Variants in PDE4B observed in about 807,000 individuals in gnomAD.
PDE4B encodes phosphodiesterase 4B.
In PDE4B, 20 loss-of-function variants were observed where a neutral mutation model predicts 82.2. The ratio of observed to expected loss-of-function variants is 0.24; its 90% CI spans 0.17 to 0.35. The LOEUF (loss-of-function observed/expected upper bound fraction) is 0.35. Among genes scored for constraint, PDE4B ranks in the 10% least tolerant of loss-of-function variants. PDE4B has a pLI of 1.00. For synonymous variants in PDE4B, 320 were observed against 318.9 expected (o/e 1.00, Z -0.04); for missense variants, 655 against 907.2 (o/e 0.72, Z 3.57).
intron 8 of PDE4B, among the ~76,000 whole-genome samples, chr1:66,338,811 T>G (rs979082231): frequency 7.9e-4 from 120 of 151,964 alleles, no homozygotes; most frequent in African/African-American, 2.3e-3. Context: ...AAGGTCAGGA[T>G]ATCGAGACCA....
chr1:65,844,056 A>G (rs2101356863), intron 1 of PDE4B, among the ~76,000 whole-genome samples: 1 of 152,294 alleles, frequency 6.6e-6, no homozygotes, highest in South Asian at 2.1e-4. Flanking sequence ...CTTCAGAGAA[A>G]CTAACTGTAT....
At chr1:65,886,826 G>A (rs1646783064) in intron 1 of PDE4B, among the ~76,000 whole-genome samples, 2 of 152,150 alleles carry the variant, frequency 1.3e-5, no homozygotes, top group Non-Finnish European at 2.9e-5. Context: ...GAACAATGCA[G>A]CGATAAACAT....
At chr1:66,197,799 C>G (rs1171697410) in intron 3 of PDE4B, among the ~76,000 whole-genome samples, 2 of 151,882 alleles carry the variant, frequency 1.3e-5, no homozygotes, top group African/African-American at 4.8e-5. Context: ...TGGGATTTAA[C>G]CTGAAAGTCT....
At chr1:66,205,312 A>C (rs1413856925) in intron 3 of PDE4B, among the ~76,000 whole-genome samples, 1 of 152,204 alleles carries the variant, frequency 6.6e-6, no homozygotes, top group Admixed American at 6.5e-5. Flanking sequence ...AGGCTGAGCA[A>C]ACTTTGTAAT....
intron 6 of PDE4B, 72 bp from the exon 7 acceptor site, chr1:66,265,966 G>C: frequency 9.3e-7 from 1 of 1,071,748 alleles, no homozygotes; most frequent in Non-Finnish European, 1.5e-6. Flanking sequence ...GTAACCATGA[G>C]GGTGGGGTGT....
intron 3 of PDE4B, among the ~76,000 whole-genome samples, chr1:66,069,285 G>T (rs541501457): frequency 2.6e-5 from 4 of 151,860 alleles, no homozygotes; most frequent in Non-Finnish European, 5.9e-5. Context: ...AGCATCCTCT[G>T]TTTCTTTTTG....
At chr1:66,308,622 T>A (rs1658449392) in intron 7 of PDE4B, among the ~76,000 whole-genome samples, 1 of 152,200 alleles carries the variant, frequency 6.6e-6, no homozygotes, top group South Asian at 2.1e-4. Flanking sequence ...TTTTAATATC[T>A]GGGCATTTTT....
chr1:65,954,746 A>G (rs1649172931), intron 3 of PDE4B, among the ~76,000 whole-genome samples: 2 of 152,122 alleles, frequency 1.3e-5, no homozygotes, highest in East Asian at 1.9e-4. Context: ...TACTATTTCT[A>G]AATAAGAATG....
At chr1:65,862,991 A>G (rs565629748) in intron 1 of PDE4B, among the ~76,000 whole-genome samples, 1 of 152,232 alleles carries the variant, frequency 6.6e-6, no homozygotes, top group Non-Finnish European at 1.5e-5. Flanking sequence ...TGTTTTCAAA[A>G]AACCAGCTCC....
At chr1:66,081,644 A>T (rs1656734132) in intron 3 of PDE4B, among the ~76,000 whole-genome samples, 1 of 152,128 alleles carries the variant, frequency 6.6e-6, no homozygotes, top group South Asian at 2.1e-4. Flanking sequence ...TTTTATCAGG[A>T]ACCCTGGTAG....
At chr1:66,027,882 G>A (rs1380464032) in intron 3 of PDE4B, among the ~76,000 whole-genome samples, 2 of 152,210 alleles carry the variant, frequency 1.3e-5, no homozygotes, top group Admixed American at 1.3e-4. Context: ...GCAGGGTACA[G>A]CCCTCCCTCC....
chr1:66,228,648 C>A (rs1389979096), intron 3 of PDE4B, among the ~76,000 whole-genome samples: 3 of 150,286 alleles, frequency 2.0e-5, no homozygotes, highest in African/African-American at 7.4e-5. Context: ...AAAAAACATG[C>A]TATAGTGACT....
chr1:66,326,951 G>A (rs771015477), intron 7 of PDE4B, among the ~76,000 whole-genome samples: 9 of 152,300 alleles, frequency 5.9e-5, no homozygotes, highest in Non-Finnish European at 1.0e-4. Flanking sequence ...CAAGAGATCA[G>A]TGTAGTCATA....
In PDE4B at chr1:66,019,605, G is replaced by A. The variant is rs117552386; in HGVS notation, c.281+100770G>A. ...TCCTGACCTTGTGATCCGCCCCCTT[G>A]ACCTCCCAAAGTGCTGGGATTACAG... On this transcript the variant is annotated intron_variant, in intron 3 of 16. Coordinates refer to ENST00000341517, the MANE Select transcript of PDE4B (RefSeq NM_002600.4). 7.4e-4 allele frequency among the ~76,000 whole-genome samples: 112 copies of A among 152,012 alleles called. 3 individuals are homozygous for A. The East Asian group carries it at 0.021, about 29-fold the overall frequency.
chr1:66,217,852 A>G (rs985310782), intron 3 of PDE4B, among the ~76,000 whole-genome samples: 3 of 152,254 alleles, frequency 2.0e-5, no homozygotes, highest in Middle Eastern at 6.8e-3. Flanking sequence ...AGACATGCAC[A>G]TACAAAAAGT....
chr1:65,981,568 GTA>G (rs1650692318), intron 3 of PDE4B, among the ~76,000 whole-genome samples: 1 of 147,714 alleles, frequency 6.8e-6, no homozygotes. Flanking sequence ...TTGCAATAAA[GTA>G]TAGTGGATTA....
chr1:66,286,491 T>C (rs1385545137), intron 7 of PDE4B, among the ~76,000 whole-genome samples: 1 of 152,126 alleles, frequency 6.6e-6, no homozygotes, highest in Admixed American at 6.6e-5. Flanking sequence ...TGCCACATTG[T>C]GAAACATTAT....
chr1:66,337,587 G>A (rs489150), intron 8 of PDE4B, among the ~76,000 whole-genome samples: 103,944 of 152,132 alleles, frequency 0.68, 36,223 homozygotes, highest in East Asian at 0.89. Context: ...TGGGGAAAGA[G>A]GAGGGCCAAC....
At chr1:66,306,424 TA>T (rs1658281114) in intron 7 of PDE4B, among the ~76,000 whole-genome samples, 2 of 152,166 alleles carry the variant, frequency 1.3e-5, no homozygotes, top group African/African-American at 4.8e-5. Flanking sequence ...TAATTTATAA[TA>T]AGACAAAAGG....
Sources: gnomAD v4.1 joint callset for allele counts (sites outside exome capture counted in the v4.1 genomes callset) on GRCh38, gnomAD v4.1.1 for gene constraint, MANE v1.5 for transcripts, NCBI Gene and HGNC (gene_info 2026-07-23, HGNC 2026-07-21) for gene names.